SLC35D2: variants seen among roughly 807,000 people sequenced by gnomAD.
SLC35D2 encodes the protein solute carrier family 35 member D2.
In SLC35D2, 43 loss-of-function variants were observed where a neutral mutation model predicts 41.8. That is an observed-to-expected ratio of 1.03 (90% CI 0.81 to 1.33). The LOEUF (loss-of-function observed/expected upper bound fraction) is 1.33, where lower values mean the gene tolerates loss of function less well. Among genes scored for constraint, SLC35D2 ranks in the 40% most tolerant of loss-of-function variants. SLC35D2 has a pLI of 0.00. For missense variants in SLC35D2, 380 were observed against 408.4 expected, an observed-to-expected ratio of 0.93 and a Z score of 0.60; for synonymous variants, 150 against 163.9, an observed-to-expected ratio of 0.92 and a Z score of 0.65.
chr9:96,341,925 A>G (rs1829340172), intron 8 of SLC35D2, among the ~76,000 whole-genome samples: 3 of 137,880 alleles, frequency 2.2e-5, no homozygotes, highest in African/African-American at 8.8e-5. Flanking sequence ...GAGTTTCTAG[A>G]TTTATATTTT....
intron 8 of SLC35D2, among the ~76,000 whole-genome samples, chr9:96,339,590 C>T (rs910249949): frequency 6.6e-6 from 1 of 152,084 alleles, no homozygotes; most frequent in Non-Finnish European, 1.5e-5. Context: ...TTCCTTTAGA[C>T]TTACTGTTGG....
At chr9:96,330,312 T>C (rs1205763970) in intron 9 of SLC35D2, among the ~76,000 whole-genome samples, 1 of 152,290 alleles carries the variant, frequency 6.6e-6, no homozygotes, top group South Asian at 2.1e-4. Context: ...CCCCCACACA[T>C]ATACACACAC....
chr9:96,374,995 C>CTT lies in SLC35D2; in HGVS notation c.159-6692_159-6691dup, dbSNP rs373967703. The stretch of plus-strand genomic sequence containing the variant: ...CTAATATTTCTATTTTGTTTGAATT[C>CTT]TTTTTTTTTTTTTTGAGATTGAATC... On this transcript the variant is annotated intron_variant, in intron 1 of 11. Transcript: ENST00000253270. Among the ~76,000 whole-genome samples, 312 of 136,158 alleles carry CTT rather than the reference C, an allele frequency of 2.3e-3. 4 individuals are homozygous for CTT. The highest frequency in any genetic ancestry group is 0.018 in the East Asian group (81 of 4,602). The allele number at this position is 136,158 out of a possible 152,430, so 89.3% of individuals were successfully genotyped here.
intron 9 of SLC35D2, among the ~76,000 whole-genome samples, chr9:96,332,695 C>T (rs928616220): frequency 7.9e-5 from 12 of 151,684 alleles, no homozygotes; most frequent in African/African-American, 2.9e-4. Context: ...AGGAGAATCG[C>T]TTGAACTCAG....
chr9:96,332,900 G>A (rs1441775067), intron 9 of SLC35D2, among the ~76,000 whole-genome samples: 2 of 147,208 alleles, frequency 1.4e-5, no homozygotes, highest in African/African-American at 2.5e-5. Flanking sequence ...ACACCTTTGC[G>A]AATTTTTTTT....
chr9:96,346,830 T>TAA (rs71498993), intron 6 of SLC35D2, among the ~76,000 whole-genome samples: 19 of 136,038 alleles, frequency 1.4e-4, no homozygotes, highest in Non-Finnish European at 1.9e-4. Flanking sequence ...AGTCACAATT[T>TAA]AAAAAAAAAA....
rs1828199085 is a variant in SLC35D2, at chr9:96,321,136, C to T, written c.*106G>A. On this transcript the variant is annotated 3_prime_UTR_variant, in exon 12 of 12. Transcript: ENST00000253270. ...CATTTTGCAGATGCTCTCACTTGCC[C>T]AGGGGGTGGATGTCACGAATCCGAA... The T allele has an allele frequency of 1.3e-6, 1 of 787,148 alleles. No individual in the cohort carries two copies. The highest frequency in any genetic ancestry group is 2.2e-5 in the Admixed American group (1 of 45,528). The allele number at this position is 787,148 out of a possible 1,614,324, so 48.8% of individuals were successfully genotyped here.
rs562785510 is a variant in SLC35D2 at position 96,360,426 on chromosome 9, C to T, written c.280-205G>A. ...TAGGCGGATCACGAGGTCAGGAGTTCGAGACCAGACTGACCAACACAGCGA... is the reference window on the plus strand; with the variant it reads ...TAGGCGGATCACGAGGTCAGGAGTTTGAGACCAGACTGACCAACACAGCGA... On this transcript the variant is annotated intron_variant, in intron 3 of 11. Coordinates refer to ENST00000253270, the MANE Select transcript of SLC35D2 (RefSeq NM_007001.3). 1.3e-4 allele frequency among the ~76,000 whole-genome samples: 20 copies of T among 151,836 alleles called. 1 individual carries two copies. The highest frequency in any genetic ancestry group is 1.3e-4 in the Non-Finnish European group (9 of 67,950).
intron 9 of SLC35D2, among the ~76,000 whole-genome samples, chr9:96,326,281 A>G (rs887781089): frequency 1.3e-5 from 2 of 152,230 alleles, no homozygotes; most frequent in Non-Finnish European, 2.9e-5. Context: ...AAGAAAAAGT[A>G]GGCAGCTCCC....
downstream of SLC35D2, among the ~76,000 whole-genome samples, chr9:96,317,618 G>T (rs1453461906): frequency 6.6e-6 from 1 of 152,076 alleles, no homozygotes; most frequent in Non-Finnish European, 1.5e-5. Flanking sequence ...AAAAATTAAA[G>T]ATTTTTTTAA....
At chr9:96,381,027 C>T (rs1207171069) in intron 1 of SLC35D2, among the ~76,000 whole-genome samples, 2 of 152,236 alleles carry the variant, frequency 1.3e-5, no homozygotes, top group African/African-American at 2.4e-5. Flanking sequence ...CCAGTCCACG[C>T]CGTCTTTACC....
intron 1 of SLC35D2, among the ~76,000 whole-genome samples, chr9:96,373,359 C>T (rs1830790735): frequency 1.3e-5 from 2 of 152,148 alleles, no homozygotes; most frequent in Admixed American, 1.3e-4. Context: ...TTTGTAATCA[C>T]CCCCTCCCCT....
At chr9:96,367,729 T>C (rs1233197243) in intron 2 of SLC35D2, among the ~76,000 whole-genome samples, 3 of 150,874 alleles carry the variant, frequency 2.0e-5, no homozygotes, top group African/African-American at 7.3e-5. Context: ...TGGCAGTGAG[T>C]CGACATTGTG....
chr9:96,355,579 T>C (rs959310944), intron 4 of SLC35D2, among the ~76,000 whole-genome samples: 2 of 151,890 alleles, frequency 1.3e-5, no homozygotes, highest in Non-Finnish European at 2.9e-5. Context: ...TCACTGCAAC[T>C]TCCACCTCTT....
At chr9:96,315,343 A>G (rs1828025034) in intron 11 of SLC35D2, among the ~76,000 whole-genome samples, 1 of 152,036 alleles carries the variant, frequency 6.6e-6, no homozygotes. Context: ...GCTGTTCTCA[A>G]ACTCCTGGGT....
At chr9:96,365,040 C>CAAAAAAAAAA (rs59249417) in intron 2 of SLC35D2, among the ~76,000 whole-genome samples, 1 of 49,388 alleles carries the variant, frequency 2.0e-5, no homozygotes, top group Admixed American at 2.3e-4. Flanking sequence ...ACCACTGTCT[C>CAAAAAAAAAA]AAAAAAAAAA....
chr9:96,335,001 C>T (rs569867669), intron 9 of SLC35D2, among the ~76,000 whole-genome samples: 24 of 152,246 alleles, frequency 1.6e-4, no homozygotes, highest in African/African-American at 5.5e-4. Context: ...GGAAGATAGA[C>T]AGAAATGTTT....
At chr9:96,330,967 G>A (rs747361363) in intron 9 of SLC35D2, among the ~76,000 whole-genome samples, 2 of 151,962 alleles carry the variant, frequency 1.3e-5, no homozygotes, top group Non-Finnish European at 2.9e-5. Flanking sequence ...GCACAGCCTC[G>A]GCTCACTGCA....
chr9:96,340,474 G>A (rs769492308), intron 8 of SLC35D2, among the ~76,000 whole-genome samples: 6 of 151,394 alleles, frequency 4.0e-5, no homozygotes, highest in East Asian at 1.9e-4. Context: ...AAAATTAGCC[G>A]GGCATCATGG....
Sources: allele counts gnomAD v4.1 joint callset (sites outside exome capture counted in the v4.1 genomes callset), GRCh38; gene constraint gnomAD v4.1.1; transcripts MANE v1.5; gene names NCBI Gene and HGNC (gene_info 2026-07-23, HGNC 2026-07-21).